Variants in TMLHE observed in about 807,000 individuals in gnomAD.
TMLHE encodes trimethyllysine dioxygenase, mitochondrial.
TMLHE carries 18 observed loss-of-function variants against 25.7 expected under a neutral mutation model. The observed-to-expected ratio is 0.70, with a 90% confidence interval of 0.48 to 1.04. TMLHE has a LOEUF of 1.04. Ranked by LOEUF, TMLHE falls within the 50% of genes least tolerant of loss-of-function variation. The probability of loss-of-function intolerance (pLI) is 0.00; values close to 1 mark genes in which losing one functional copy is unlikely to be tolerated. For synonymous variants in TMLHE, 105 were observed against 97.0 expected (o/e 1.08, Z -0.49); for missense variants, 236 against 259.0 (o/e 0.91, Z 0.61).
intron 4 of TMLHE, among the ~76,000 whole-genome samples, chrX:155,512,108 T>C (rs782255087): frequency 2.6e-4 from 29 of 111,838 alleles, no homozygotes; most frequent in African/African-American, 8.8e-4. Flanking sequence ...TTTTCTATGC[T>C]CACCTTTCTT....
At position 155,514,036 on chromosome X, in the gene TMLHE, A is replaced by T; in HGVS notation, c.588T>A (p.Pro196=). The T allele has an allele frequency of 1.7e-6, 2 of 1,210,947 alleles. No individual in the cohort carries two copies. The highest frequency in any genetic ancestry group is 2.2e-6 in the Non-Finnish European group (2 of 894,930). ...LYGIAFVENV[P]PTQEHTEKLA... ...ACTTCTCTGTGTGCTCTTGAGTGGG[A>T]GGGACATTTTCTACGAATGCAATTC... The change falls in exon 4 of 8, where the codon CCT becomes CCA. Residue 196 remains proline (P), a synonymous_variant. Coordinates refer to ENST00000334398, the MANE Select transcript of TMLHE (RefSeq NM_018196.4).
At chrX:155,539,637 G>A (rs1200879589) in intron 2 of TMLHE, among the ~76,000 whole-genome samples, 2 of 111,093 alleles carry the variant, frequency 1.8e-5, no homozygotes, top group Non-Finnish European at 3.8e-5. Flanking sequence ...TAAGACATAC[G>A]AAGAAACAAA....
At chrX:155,522,897 T>A (rs1557335951) in intron 3 of TMLHE, among the ~76,000 whole-genome samples, 2 of 111,166 alleles carry the variant, frequency 1.8e-5, no homozygotes, top group Non-Finnish European at 3.8e-5. Flanking sequence ...ATTTCTGGGT[T>A]GCATGTTTAG....
intron 1 of TMLHE, among the ~76,000 whole-genome samples, chrX:155,555,704 C>T (rs1186043559): frequency 9.0e-5 from 10 of 110,532 alleles, no homozygotes; most frequent in African/African-American, 2.3e-4. Context: ...ATCCTTTGCC[C>T]GCTTTTTGAT....
At chrX:155,534,738 G>A (rs192802252) in intron 2 of TMLHE, among the ~76,000 whole-genome samples, 2 of 111,831 alleles carry the variant, frequency 1.8e-5, no homozygotes, top group African/African-American at 6.5e-5. Context: ...GCTGGAATGA[G>A]TTAAGACGGG....
intron 1 of TMLHE, among the ~76,000 whole-genome samples, chrX:155,559,163 G>A (rs1345433035): frequency 9.0e-6 from 1 of 111,116 alleles, no homozygotes; most frequent in Non-Finnish European, 1.9e-5. Flanking sequence ...TATCAACTGA[G>A]TTACAATTTA....
rs1373802969 is a variant in TMLHE, at chrX:155,571,535, A to G, written c.-1-26258T>C. ...AGCCGGGCAGAGACACAACCAAAAA[A>G]GAGAATTTTAGACCAATATCCTTGA... is the stretch of plus-strand genomic sequence containing the variant. On this transcript the variant is annotated intron_variant, in intron 1 of 7. Transcript: ENST00000334398. Among the ~76,000 whole-genome samples the G allele has an allele frequency of 4.0e-5, 2 of 50,220 alleles. 1 individual carries two copies. The highest frequency in any genetic ancestry group is 1.0e-4 in the Non-Finnish European group (2 of 19,764). 43.6% of individuals were successfully genotyped at this position (50,220 alleles called of 115,157 possible). A position where few individuals can be genotyped will look rare whatever the true frequency, so the allele number is the denominator to read the frequency against.
intron 1 of TMLHE, among the ~76,000 whole-genome samples, chrX:155,577,567 G>A (rs935796007): frequency 1.8e-4 from 19 of 106,862 alleles, no homozygotes; most frequent in Non-Finnish European, 2.1e-4. Flanking sequence ...GCAACAAAGC[G>A]AGACTCTGTC....
At chrX:155,525,580 G>A (rs2067215105) in intron 2 of TMLHE, among the ~76,000 whole-genome samples, 1 of 112,106 alleles carries the variant, frequency 8.9e-6, no homozygotes, top group Non-Finnish European at 1.9e-5. Context: ...AACAGGCAGG[G>A]ATTGGAACAG....
intron 3 of TMLHE, chrX:155,524,242 A>G (rs5940465): frequency 0.65 from 191,848 of 296,853 alleles, 47,007 homozygotes; most frequent in East Asian, 0.76. Context: ...TTAGAGGGAA[A>G]GCATTAAGTC....
chrX:155,547,590 C>G (rs781782873), intron 1 of TMLHE, among the ~76,000 whole-genome samples: 3 of 111,104 alleles, frequency 2.7e-5, no homozygotes, highest in Admixed American at 9.6e-5. Flanking sequence ...AAGCATACAA[C>G]ACAGTGAAAG....
At chrX:155,581,277 C>A (rs1455815779) in intron 1 of TMLHE, among the ~76,000 whole-genome samples, 1 of 111,248 alleles carries the variant, frequency 9.0e-6, no homozygotes, top group Non-Finnish European at 1.9e-5. Flanking sequence ...ACAGGGATGC[C>A]CTCTCTCACC....
chrX:155,551,089 C>T (rs183853386), intron 1 of TMLHE, among the ~76,000 whole-genome samples: 1 of 110,529 alleles, frequency 9.0e-6, no homozygotes, highest in Non-Finnish European at 1.9e-5. Flanking sequence ...TCAACACCTA[C>T]CTCGGGTCCC....
At chrX:155,511,281 C>T (rs187337890) in intron 5 of TMLHE, among the ~76,000 whole-genome samples, 299 of 110,373 alleles carry the variant, frequency 2.7e-3, no homozygotes, top group African/African-American at 9.4e-3. Context: ...CTGACTCTCT[C>T]TCACTTGCTC....
At chrX:155,543,564 T>C (rs1332286233) in intron 2 of TMLHE, among the ~76,000 whole-genome samples, 3 of 112,198 alleles carry the variant, frequency 2.7e-5, no homozygotes, top group Non-Finnish European at 5.6e-5. Context: ...TCTTCGTGGA[T>C]TGGAAGAATT....
rs782714124 is a variant in TMLHE, at chrX:155,514,156, G to C, written c.468C>G (p.Ile156Met). Reference sequence around the variant, plus strand: ...CCGATGGAACTTGGGCTTGCTGGTAGATTTCAGCATTCCATAGTATTCTAG... The same window carrying C: ...CCGATGGAACTTGGGCTTGCTGGTACATTTCAGCATTCCATAGTATTCTAG... ...IQPRILWNAE[I>M]YQQAQVPSVD... is the part of the protein sequence containing the mutation. Residue 156 changes from isoleucine to methionine, a missense_variant, in exon 4 of 8, where the codon ATC (isoleucine) becomes ATG (methionine). Coordinates refer to ENST00000334398, the MANE Select transcript of TMLHE (RefSeq NM_018196.4). 10 of 1,211,144 alleles carry C rather than the reference G, an allele frequency of 8.3e-6. No individual in the cohort carries two copies. Among genetic ancestry groups the C allele is most frequent in the Non-Finnish European group, 1.1e-5 (10 of 895,099 alleles).
At chrX:155,605,682 G>A (rs995683536) in intron 1 of TMLHE, among the ~76,000 whole-genome samples, 2 of 111,843 alleles carry the variant, frequency 1.8e-5, no homozygotes, top group African/African-American at 3.3e-5. Flanking sequence ...AAGCAACCAC[G>A]TGATCAAGTG....
chrX:155,606,862 A>C (rs2067790216), intron 1 of TMLHE, among the ~76,000 whole-genome samples: 1 of 110,459 alleles, frequency 9.1e-6, no homozygotes, highest in Admixed American at 9.6e-5. Context: ...CAAACTAGAA[A>C]ACCTAGAATA....
chrX:155,550,228 TG>T (rs2067405825), intron 1 of TMLHE, among the ~76,000 whole-genome samples: 1 of 111,006 alleles, frequency 9.0e-6, no homozygotes, highest in South Asian at 3.8e-4. Flanking sequence ...TTTTTGGTCT[TG>T]CAAAATCAGT....
Sources: allele counts gnomAD v4.1 joint callset (sites outside exome capture counted in the v4.1 genomes callset), GRCh38; gene constraint gnomAD v4.1.1; transcripts MANE v1.5; gene names NCBI Gene and HGNC (gene_info 2026-07-23, HGNC 2026-07-21).